VSTM4: variants seen among roughly 807,000 people sequenced by gnomAD.
The protein encoded by VSTM4 is V-set and transmembrane domain containing 4.
Under a neutral mutation model 36.4 loss-of-function variants are expected in VSTM4, and 20 were observed. The observed-to-expected ratio is 0.55, with a 90% CI of 0.39 to 0.80. VSTM4 has a LOEUF of 0.80. VSTM4 is among the 30% of genes least tolerant of loss of function. The pLI, the probability that VSTM4 is intolerant of heterozygous loss-of-function variation, is 0.00. For synonymous variants in VSTM4, 182 were observed against 173.9 expected (o/e 1.05, Z -0.37); for missense variants, 392 against 404.5 (o/e 0.97, Z 0.26).
chr10:49,033,665 A>C (rs937120401), intron 7 of VSTM4, among the ~76,000 whole-genome samples: 1 of 152,222 alleles, frequency 6.6e-6, no homozygotes, highest in African/African-American at 2.4e-5. Context: ...GGGGAAGAAC[A>C]GGGATCTGTG....
chr10:49,027,303 T>C (rs574144941), intron 7 of VSTM4, among the ~76,000 whole-genome samples: 2 of 152,328 alleles, frequency 1.3e-5, no homozygotes, highest in Admixed American at 6.5e-5. Flanking sequence ...TGCATGTTTC[T>C]GAGCTATGTT....
intron 6 of VSTM4, among the ~76,000 whole-genome samples, chr10:49,047,451 C>A (rs1316858286): frequency 1.3e-5 from 2 of 152,070 alleles, no homozygotes; most frequent in African/African-American, 4.8e-5. Flanking sequence ...GTCTTATTGT[C>A]CCCACTTAAC....
At chr10:49,041,200 G>A (rs781288896) in intron 7 of VSTM4, among the ~76,000 whole-genome samples, 6 of 152,252 alleles carry the variant, frequency 3.9e-5, no homozygotes, top group Non-Finnish European at 8.8e-5. Flanking sequence ...TGCTAGGCCT[G>A]ATATTTTTGT....
At chr10:49,050,024 A>G (rs978388558) in intron 5 of VSTM4, among the ~76,000 whole-genome samples, 3 of 151,336 alleles carry the variant, frequency 2.0e-5, no homozygotes, top group African/African-American at 7.3e-5. Context: ...CACTGTTTAT[A>G]ATAGCTATGG....
At chr10:49,088,651 G>GC (rs1181662545) in intron 2 of VSTM4, among the ~76,000 whole-genome samples, 1 of 152,210 alleles carries the variant, frequency 6.6e-6, no homozygotes. Context: ...GGCACTCTGG[G>GC]CCCCACAAGG....
intron 2 of VSTM4, among the ~76,000 whole-genome samples, chr10:49,105,329 C>CG (rs1554836344): frequency 8.9e-4 from 109 of 122,750 alleles, no homozygotes; most frequent in Middle Eastern, 9.7e-3. Flanking sequence ...GAGAGAGAGA[C>CG]GGGGGGGGGA....
chr10:49,028,039 C>T (rs1453653285), intron 7 of VSTM4, among the ~76,000 whole-genome samples: 4 of 152,212 alleles, frequency 2.6e-5, no homozygotes, highest in African/African-American at 9.6e-5. Flanking sequence ...CTCCCACCTG[C>T]AAAGCATGAG....
At chr10:49,039,749 A>G (rs1843490768) in intron 7 of VSTM4, among the ~76,000 whole-genome samples, 1 of 152,148 alleles carries the variant, frequency 6.6e-6, no homozygotes, top group Non-Finnish European at 1.5e-5. Context: ...GTTAATGTTG[A>G]GATGCTGACT....
chr10:49,040,798 C>A (rs899555315), intron 7 of VSTM4, among the ~76,000 whole-genome samples: 1 of 152,142 alleles, frequency 6.6e-6, no homozygotes, highest in African/African-American at 2.4e-5. Flanking sequence ...ACACAATAGG[C>A]GCCCAATAAA....
intron 1 of VSTM4, among the ~76,000 whole-genome samples, chr10:49,109,000 G>T (rs1026662630): frequency 5.9e-5 from 9 of 152,192 alleles, no homozygotes; most frequent in Non-Finnish European, 5.9e-5. Flanking sequence ...CAGGGCCCGA[G>T]AAAAGATGCT....
chr10:49,057,192 G>C (rs1032041594), intron 5 of VSTM4, among the ~76,000 whole-genome samples: 1 of 151,992 alleles, frequency 6.6e-6, no homozygotes, highest in Non-Finnish European at 1.5e-5. Context: ...TTCCACATCA[G>C]ATTTGAAGGG....
intron 5 of VSTM4, among the ~76,000 whole-genome samples, chr10:49,060,697 T>A (rs562797976): frequency 5.3e-5 from 8 of 152,326 alleles, no homozygotes; most frequent in African/African-American, 1.9e-4. Context: ...TTTAATTACA[T>A]CAATTCTTTC....
intron 2 of VSTM4, among the ~76,000 whole-genome samples, chr10:49,097,726 A>G (rs1277299222): frequency 3.3e-5 from 5 of 152,202 alleles, no homozygotes; most frequent in African/African-American, 7.2e-5. Flanking sequence ...AACTAGCTAT[A>G]TATTATTTTT....
intron 7 of VSTM4, among the ~76,000 whole-genome samples, chr10:49,025,158 C>A (rs1170405938): frequency 6.6e-6 from 1 of 152,094 alleles, no homozygotes. Context: ...CTTCCGGCCT[C>A]CACAACTGTG....
chr10:49,108,554 G>A (rs1844834235), intron 1 of VSTM4, among the ~76,000 whole-genome samples: 1 of 152,196 alleles, frequency 6.6e-6, no homozygotes. Flanking sequence ...TATTTCAACT[G>A]TACCCAGGGC....
At chr10:49,087,879 T>C (rs970748876) in intron 2 of VSTM4, among the ~76,000 whole-genome samples, 8 of 147,392 alleles carry the variant, frequency 5.4e-5, no homozygotes, top group South Asian at 4.2e-4. Flanking sequence ...TGGATATATA[T>C]GCACATATAT....
At chr10:49,077,101 A>T in intron 4 of VSTM4, 118 bp downstream of exon 4, 7 of 1,016,342 alleles carry the variant, frequency 6.9e-6, no homozygotes, top group Non-Finnish European at 1.0e-5. Context: ...GTCACAGGTA[A>T]ATAATCCCTG....
chr10:49,023,883 C>T (rs747190814), intron 7 of VSTM4, among the ~76,000 whole-genome samples: 2 of 152,160 alleles, frequency 1.3e-5, no homozygotes, highest in Non-Finnish European at 2.9e-5. Flanking sequence ...ACACTCTTAA[C>T]GACTGTAAAT....
rs146452177 is a variant in VSTM4, at chr10:49,079,502, A to G, written c.527-2176T>C. 1.9e-3 allele frequency among the ~76,000 whole-genome samples: 297 copies of G among 152,362 alleles called. 3 individuals carry two copies. The highest frequency in any genetic ancestry group is 7.0e-3 in the African/African-American group (290 of 41,584). ...AACCATCTTTGAAGAAAAATGCCAC[A>G]GGCATTTATTTGAACTTAGCAAAAA... is the stretch of plus-strand genomic sequence containing the variant. On this transcript the variant is annotated intron_variant, in intron 3 of 7. Coordinates refer to ENST00000332853, the MANE Select transcript of VSTM4 (RefSeq NM_001031746.5).
Sources: allele counts gnomAD v4.1 joint callset (sites outside exome capture counted in the v4.1 genomes callset), GRCh38; gene constraint gnomAD v4.1.1; transcripts MANE v1.5; gene names NCBI Gene and HGNC (gene_info 2026-07-23, HGNC 2026-07-21).